The following DOCK8 variants were observed in gnomAD, a reference collection of about 807,000 sequenced individuals.
DOCK8 encodes the protein dedicator of cytokinesis protein 8.
Under a neutral mutation model 245.6 loss-of-function variants are expected in DOCK8, and 141 were observed. That is an observed-to-expected ratio of 0.57 (90% CI 0.50 to 0.66). DOCK8 has a LOEUF of 0.66. Ranked by LOEUF, DOCK8 falls within the 30% of genes least tolerant of loss-of-function variation. The probability of loss-of-function intolerance (pLI) is 0.00; values close to 1 mark genes in which losing one functional copy is unlikely to be tolerated. For synonymous variants in DOCK8, 1,168 were observed against 970.2 expected (o/e 1.20, Z -3.79); for missense variants, 2,965 against 2,603.4 (o/e 1.14, Z -3.02).
upstream of DOCK8, among the ~76,000 whole-genome samples, chr9:212,189 C>T (rs9406775): frequency 0.033 from 4,952 of 151,950 alleles, 120 homozygotes; most frequent in Non-Finnish European, 0.051. Context: ...GAGCAGTACC[C>T]GGTACAAGAT....
Position 396,907 on chromosome 9 carries a change from T to G in DOCK8, c.3093T>G (p.Ile1031Met), listed in dbSNP as rs773873879. 1 of 1,614,150 alleles carries G rather than the reference T, an allele frequency of 6.2e-7. No individual in the cohort carries two copies. The highest frequency in any genetic ancestry group is 8.5e-7 in the Non-Finnish European group (1 of 1,180,030). Residue 1031 changes from isoleucine (I) to methionine (M), a missense_variant, in exon 25 of 48, where the codon ATT becomes ATG. Physicochemically the swap from Ile to Met is conservative, Grantham distance 10 (BLOSUM62 1). Transcript: ENST00000432829. ...TTGTTAATGTGGTCACCTCGGAAAT[T>G]GCAGCCCTTTTAGTAAAACCACAGA... Reference protein sequence around the residue: ...TTIVNVVTSEIAALLVKPQKE... With the variant: ...TTIVNVVTSEMAALLVKPQKE...
intron 2 of DOCK8, among the ~76,000 whole-genome samples, chr9:283,567 C>G (rs1218087254): frequency 2.0e-5 from 3 of 152,142 alleles, no homozygotes; most frequent in Non-Finnish European, 2.9e-5. Context: ...CCCACCTCTC[C>G]AAGCCTTTCA....
At chr9:385,680 C>T (rs1244337346) in intron 22 of DOCK8, among the ~76,000 whole-genome samples, 1 of 152,188 alleles carries the variant, frequency 6.6e-6, no homozygotes, top group Non-Finnish European at 1.5e-5. Context: ...ACCCCCCTGA[C>T]AACTGGTTGT....
At chr9:340,426 G>T (rs1456708485) in intron 14 of DOCK8, 105 bp downstream of exon 14, 1 of 1,453,590 alleles carries the variant, frequency 6.9e-7, no homozygotes, top group South Asian at 1.2e-5. Flanking sequence ...TTTGAGACCA[G>T]CCTTGGCAAC....
chr9:399,276 C>CCT lies in DOCK8; in HGVS notation c.3234+18_3234+19insTC. 3.5e-6 allele frequency: 5 copies of CCT among 1,436,658 alleles called. No individual in the cohort carries two copies. The highest frequency in any genetic ancestry group is 4.6e-6 in the Non-Finnish European group (5 of 1,076,390). The allele number at this position is 1,436,658 out of a possible 1,614,324, so 89.0% of individuals were successfully genotyped here. ...TGCAGCCAGGTGAGTGTCCCCCCCACCCCCACCCCCGAGCGAGCCACTTGG... is the reference window on the plus strand; with the variant it reads ...TGCAGCCAGGTGAGTGTCCCCCCCACCTCCCCACCCCCGAGCGAGCCACTTGG... On this transcript the variant is annotated intron_variant, in intron 26 of 47. Transcript: ENST00000432829.
At chr9:304,552 C>G (rs551965208) in intron 4 of DOCK8, 29 bp from the exon 5 acceptor site, 23 of 1,613,718 alleles carry the variant, frequency 1.4e-5, no homozygotes, top group South Asian at 9.9e-5. Context: ...CCCTCTTTCT[C>G]TCTCCAAATT....
At chr9:356,760 T>A (rs901832653) in intron 14 of DOCK8, among the ~76,000 whole-genome samples, 1 of 152,096 alleles carries the variant, frequency 6.6e-6, no homozygotes, top group African/African-American at 2.4e-5. Context: ...AAGGTGAGAG[T>A]GAATTATATA....
chr9:313,700 G>A (rs1030781039), intron 6 of DOCK8, among the ~76,000 whole-genome samples: 10 of 152,150 alleles, frequency 6.6e-5, no homozygotes, highest in Middle Eastern at 3.2e-3. Context: ...AGTGACCAGA[G>A]TTAATAATAA....
Position 317,125 on chromosome 9 carries a change from T to C in DOCK8, c.824T>C (p.Leu275Ser). 6.2e-7 allele frequency: 1 copy of C among 1,611,352 alleles called. No homozygotes were observed. Among genetic ancestry groups the C allele is most frequent in the Non-Finnish European group, 8.5e-7 (1 of 1,177,456 alleles). ...GNRILVKLLT[L>S]KFEIEIEPLF... Reference sequence around the variant, plus strand: ...AGAATATTGGTCAAGTTGCTGACCTTGAAGTAAGTATCAACAAACACACTG... The same window carrying C: ...AGAATATTGGTCAAGTTGCTGACCTCGAAGTAAGTATCAACAAACACACTG... Residue 275 changes from leucine to serine, a missense_variant, in exon 7 of 48, where the codon TTG (leucine) becomes TCG (serine). By Grantham distance (145) the Leu-to-Ser change is moderately radical (BLOSUM62 -2). Coordinates refer to ENST00000432829, the MANE Select transcript of DOCK8 (RefSeq NM_203447.4).
At chr9:402,643 G>C (rs1359734573) in intron 26 of DOCK8, among the ~76,000 whole-genome samples, 1 of 152,192 alleles carries the variant, frequency 6.6e-6, no homozygotes, top group Non-Finnish European at 1.5e-5. Flanking sequence ...TTATCATTTT[G>C]CATAACCTAT....
At chr9:214,503 C>CT (rs750196099), upstream of DOCK8, 2 of 1,612,654 alleles carry the variant, frequency 1.2e-6, no homozygotes, top group East Asian at 4.5e-5. Context: ...TTAATAACAC[C>CT]TAGCCTTACG....
rs553716929 is a variant in DOCK8, at chr9:252,043, G to A, written c.54-19584G>A. On this transcript the variant is annotated intron_variant, in intron 1 of 47. Transcript: ENST00000432829. ...GGATGGAGTGCAGTGGTGAGATCTC[G>A]GCTCACTGCAACCTCTGCCACCTGG... 1.2e-4 allele frequency among the ~76,000 whole-genome samples: 18 copies of A among 145,020 alleles called. No homozygotes were observed. The South Asian group carries it at 2.4e-3, about 20-fold the overall frequency.
At chr9:337,664 A>T (rs1000608824) in intron 12 of DOCK8, among the ~76,000 whole-genome samples, 1 of 152,180 alleles carries the variant, frequency 6.6e-6, no homozygotes, top group Non-Finnish European at 1.5e-5. Flanking sequence ...TTAAAAAAAT[A>T]AAAAACTTCC....
intron 1 of DOCK8, among the ~76,000 whole-genome samples, chr9:230,263 A>G (rs1304842417): frequency 6.6e-6 from 1 of 151,356 alleles, no homozygotes; most frequent in Non-Finnish European, 1.5e-5. Flanking sequence ...ATAGTATTCC[A>G]CGGTGTATAT....
At chr9:308,863 T>G (rs7862033) in intron 5 of DOCK8, among the ~76,000 whole-genome samples, 78,744 of 152,012 alleles carry the variant, frequency 0.52, 21,058 homozygotes, top group East Asian at 0.76. Flanking sequence ...TTCACCATGT[T>G]AGCCAGGATG....
At chr9:371,981 A>G (rs191559946) in intron 17 of DOCK8, among the ~76,000 whole-genome samples, 1 of 152,254 alleles carries the variant, frequency 6.6e-6, no homozygotes, top group Non-Finnish European at 1.5e-5. Flanking sequence ...CTTTAGCTCC[A>G]AAAGCAATAA....
chr9:373,028 G>A (rs367679737), intron 18 of DOCK8, among the ~76,000 whole-genome samples: 9 of 151,978 alleles, frequency 5.9e-5, no homozygotes, highest in Admixed American at 2.0e-4. Flanking sequence ...TTAGCCGGGC[G>A]TGGTGGCGGG....
At chr9:448,542 G>A (rs905651621) in intron 44 of DOCK8, among the ~76,000 whole-genome samples, 5 of 152,208 alleles carry the variant, frequency 3.3e-5, no homozygotes, top group African/African-American at 1.2e-4. Context: ...CAATTCTAGA[G>A]GCTAGAAGTT....
intron 3 of DOCK8, among the ~76,000 whole-genome samples, chr9:288,058 GTTT>G (rs138002007): frequency 3.5e-5 from 5 of 142,130 alleles, no homozygotes; most frequent in Admixed American, 1.4e-4. Context: ...GAAGGAGGAG[GTTT>G]TTTTTTTTTT....
Sources: gnomAD v4.1 joint callset for allele counts (sites outside exome capture counted in the v4.1 genomes callset) on GRCh38, gnomAD v4.1.1 for gene constraint, MANE v1.5 for transcripts, NCBI Gene and HGNC (gene_info 2026-07-23, HGNC 2026-07-21) for gene names.